The following SMYD4 variants were observed in gnomAD, a reference collection of about 807,000 sequenced individuals.
SMYD4 encodes the protein SET and MYND domain containing 4.
In SMYD4, 68 loss-of-function variants were observed where a neutral mutation model predicts 72.8. The ratio of observed to expected loss-of-function variants is 0.93; its 90% CI spans 0.77 to 1.14. The LOEUF (loss-of-function observed/expected upper bound fraction) is 1.14, where lower values mean the gene tolerates loss of function less well. SMYD4 is among the 50% of genes most tolerant of loss of function. The probability of loss-of-function intolerance (pLI) is 0.00; values close to 1 mark genes in which losing one functional copy is unlikely to be tolerated. For missense variants in SMYD4, 984 were observed against 1,003.7 expected (o/e 0.98, Z 0.27); for synonymous variants, 407 against 388.6 (o/e 1.05, Z -0.56).
intron 3 of SMYD4, among the ~76,000 whole-genome samples, chr17:1,805,089 T>C (rs1340747574): frequency 6.6e-6 from 1 of 152,046 alleles, no homozygotes; most frequent in African/African-American, 2.4e-5. Flanking sequence ...TTAATTCACA[T>C]ATGGATAGCC....
intron 4 of SMYD4, among the ~76,000 whole-genome samples, chr17:1,801,240 AT>A (rs57801527): frequency 1.2e-3 from 184 of 151,572 alleles, no homozygotes; most frequent in Non-Finnish European, 2.1e-3. Context: ...TTTGGATTAA[AT>A]TTTTTCTTTT....
At chr17:1,824,547 G>A (rs1452921885) in intron 2 of SMYD4, among the ~76,000 whole-genome samples, 2 of 152,092 alleles carry the variant, frequency 1.3e-5, no homozygotes, top group Non-Finnish European at 2.9e-5. Flanking sequence ...TAACAGAATC[G>A]TGGGAGTGGT....
chr17:1,816,599 G>A (rs1457113539), intron 2 of SMYD4, among the ~76,000 whole-genome samples: 4 of 149,918 alleles, frequency 2.7e-5, no homozygotes, highest in South Asian at 2.1e-4. Flanking sequence ...CACCCTGGGC[G>A]ACAAAGCGAG....
Position 1,786,911 on chromosome 17 carries a change from A to G in SMYD4, c.1783T>C (p.Phe595Leu), listed in dbSNP as rs373111585. The change falls in exon 7 of 11, where the codon TTT becomes CTT. Residue 595 changes from phenylalanine to leucine, a missense_variant. By Grantham distance (22) the Phe-to-Leu change is conservative. Transcript: ENST00000305513. ...RQQKLRSQYF[F>L]DCACPACQTE... The stretch of plus-strand genomic sequence containing the variant: ...TGACAAGCTGGACAGGCGCAGTCAA[A>G]GAAATACTGAGACCTCAGCTTCTGC... The G allele has an allele frequency of 2.6e-5, 42 of 1,614,224 alleles. No homozygotes were observed. Among genetic ancestry groups the G allele is most frequent in the Middle Eastern group, 1.7e-4 (1 of 6,042 alleles).
chr17:1,813,730 T>C (rs1910449044), intron 2 of SMYD4, among the ~76,000 whole-genome samples: 2 of 152,112 alleles, frequency 1.3e-5, no homozygotes, highest in Admixed American at 6.6e-5. Context: ...ATACTATTTT[T>C]GCAAGTAAGT....
At chr17:1,818,021 T>C (rs1364908564) in intron 2 of SMYD4, among the ~76,000 whole-genome samples, 6 of 127,328 alleles carry the variant, frequency 4.7e-5, no homozygotes, top group African/African-American at 1.5e-4. Context: ...CACTCCAGCC[T>C]GGGCGATGGA....
intron 5 of SMYD4, among the ~76,000 whole-genome samples, chr17:1,795,600 G>A (rs1213271578): frequency 1.3e-5 from 2 of 151,914 alleles, no homozygotes; most frequent in Non-Finnish European, 2.9e-5. Context: ...CTGCCATCAC[G>A]CACAGCTAAT....
At chr17:1,787,007 GC>G in intron 6 of SMYD4, 34 bp from the exon 7 acceptor site, 1 of 1,506,480 alleles carries the variant, frequency 6.6e-7, no homozygotes, top group Non-Finnish European at 8.9e-7. Flanking sequence ...AATATTGAAA[GC>G]AAGAGAGAGT....
chr17:1,792,862 G>A (rs557224832), intron 5 of SMYD4, among the ~76,000 whole-genome samples: 2 of 152,182 alleles, frequency 1.3e-5, no homozygotes, highest in East Asian at 3.9e-4. Flanking sequence ...TTTTTGGGGG[G>A]AAATTTATAA....
intron 2 of SMYD4, among the ~76,000 whole-genome samples, chr17:1,819,563 G>A (rs1910791565): frequency 1.3e-5 from 2 of 152,248 alleles, no homozygotes; most frequent in South Asian, 4.1e-4. Flanking sequence ...GAGATCATGT[G>A]AAGAGCCTGT....
intron 3 of SMYD4, among the ~76,000 whole-genome samples, chr17:1,808,077 C>T (rs1910135809): frequency 6.6e-6 from 1 of 152,192 alleles, no homozygotes; most frequent in Admixed American, 6.6e-5. Context: ...AACAATTCAG[C>T]ATCAAATACC....
At chr17:1,819,353 T>A (rs1256169549) in intron 2 of SMYD4, among the ~76,000 whole-genome samples, 1 of 152,094 alleles carries the variant, frequency 6.6e-6, no homozygotes, top group Non-Finnish European at 1.5e-5. Flanking sequence ...AGAGACTACG[T>A]CTCAGAACAA....
intron 4 of SMYD4, among the ~76,000 whole-genome samples, chr17:1,803,077 G>C (rs1468325945): frequency 6.6e-6 from 1 of 152,226 alleles, no homozygotes; most frequent in East Asian, 1.9e-4. Flanking sequence ...GGGAGGCGGA[G>C]GTTGCAGTGA....
chr17:1,826,681 C>T (rs1911196728), intron 2 of SMYD4, among the ~76,000 whole-genome samples: 1 of 152,042 alleles, frequency 6.6e-6, no homozygotes, highest in Admixed American at 6.6e-5. Context: ...CAACCTTGAA[C>T]GTGAAAGGTG....
intron 7 of SMYD4, among the ~76,000 whole-genome samples, chr17:1,785,518 C>G (rs542380812): frequency 6.6e-5 from 10 of 150,646 alleles, no homozygotes; most frequent in African/African-American, 1.7e-4. Context: ...TTTGGGTGGT[C>G]GAGGCAGGTA....
In SMYD4 at chr17:1,781,363, C is replaced by G. The variant is rs1244195482; in HGVS notation, c.2338G>C (p.Asp780His). Reference protein sequence around the residue: ...VLSLHCGPWDDEIQELQKMKS... With the variant: ...VLSLHCGPWDHEIQELQKMKS... ...ATCTTCTGGAGCTCCTGGATTTCAT[C>G]GTCCCATGGGCCACAGTGCAGCGAC... The change falls in exon 11 of 11, where the codon GAT becomes CAT. Residue 780 changes from aspartate to histidine, a missense_variant. Asp to His is a moderately conservative substitution (Grantham distance 81, BLOSUM62 -1). Coordinates refer to ENST00000305513, the MANE Select transcript of SMYD4 (RefSeq NM_052928.3). The G allele has an allele frequency of 1.9e-6, 3 of 1,614,074 alleles. No individual in the cohort carries two copies. The East Asian group carries it at 6.7e-5, about 36-fold the overall frequency.
chr17:1,784,607 GAAT>G, intron 7 of SMYD4, 146 bp from the exon 8 acceptor site: 1 of 1,453,726 alleles, frequency 6.9e-7, no homozygotes, highest in Non-Finnish European at 9.0e-7. Context: ...AAGTCTGAGC[GAAT>G]TTTGTTTGAT....
chr17:1,824,602 C>G (rs1160535086), intron 2 of SMYD4, among the ~76,000 whole-genome samples: 1 of 151,718 alleles, frequency 6.6e-6, no homozygotes, highest in East Asian at 1.9e-4. Flanking sequence ...CTCACGAAAT[C>G]TGATTATTTT....
In SMYD4 at chr17:1,800,121, C is replaced by T. The variant is rs763896634; in HGVS notation, c.1273G>A (p.Val425Ile). The part of the protein sequence containing the change: ...NGKYENNYNA[V>I]FNLLPHTENH... ...TCAGTGTGGGGCAAAAGGTTGAAGA[C>T]AGCATTATAATTATTTTCATACTTC... The change falls in exon 5 of 11, where the codon GTC becomes ATC. Residue 425 changes from valine (V) to isoleucine (I), a missense_variant. Coordinates refer to ENST00000305513, the MANE Select transcript of SMYD4 (RefSeq NM_052928.3). 1 of 1,611,096 alleles carries T rather than the reference C, an allele frequency of 6.2e-7. No homozygotes were observed. The highest frequency in any genetic ancestry group is 1.7e-5 in the Admixed American group (1 of 59,590).
Sources: gnomAD v4.1 joint callset for allele counts (sites outside exome capture counted in the v4.1 genomes callset) on GRCh38, gnomAD v4.1.1 for gene constraint, MANE v1.5 for transcripts, NCBI Gene and HGNC (gene_info 2026-07-23, HGNC 2026-07-21) for gene names.